VNN2: variants seen among roughly 807,000 people sequenced by gnomAD.
VNN2 encodes vanin 2.
Under a neutral mutation model 43.0 loss-of-function variants are expected in VNN2, and 43 were observed. The ratio of observed to expected loss-of-function variants is 1.00; its 90% CI spans 0.78 to 1.29. The LOEUF (loss-of-function observed/expected upper bound fraction) is 1.29, where lower values mean the gene tolerates loss of function less well. Ranked by LOEUF, VNN2 falls within the 50% of genes most tolerant of loss-of-function variation. The probability of loss-of-function intolerance (pLI) is 0.00; values close to 1 mark genes in which losing one functional copy is unlikely to be tolerated. For synonymous variants in VNN2, 230 were observed against 224.3 expected (o/e 1.03, Z -0.23); for missense variants, 652 against 619.7 (o/e 1.05, Z -0.55).
At chr6:132,762,143 A>T (rs972343067), upstream of VNN2, among the ~76,000 whole-genome samples, 1 of 152,172 alleles carries the variant, frequency 6.6e-6, no homozygotes, top group African/African-American at 2.4e-5. Flanking sequence ...TTCGTGCTAA[A>T]CCCAGCGTGG....
At chr6:132,759,480 C>T (rs35864450), upstream of VNN2, among the ~76,000 whole-genome samples, 1 of 143,914 alleles carries the variant, frequency 6.9e-6, no homozygotes, top group Non-Finnish European at 1.5e-5. Flanking sequence ...ACAACAAATA[C>T]AGGATGTGAT....
Position 132,744,048 on chromosome 6 carries a change from T to A in VNN2, c.*252A>T. 1 of 298,516 alleles carries A rather than the reference T, an allele frequency of 3.3e-6. No homozygotes were observed. Among genetic ancestry groups the A allele is most frequent in the Non-Finnish European group, 6.1e-6 (1 of 164,082 alleles). The allele number at this position is 298,516 out of a possible 1,614,324, so 18.5% of individuals were successfully genotyped here. ...AAGCAAATGAGGCTGGAGCTGGAGT[T>A]TGATCTTCATTTATCTGACCCAAAC... On this transcript the variant is annotated 3_prime_UTR_variant, in exon 7 of 7. Transcript: ENST00000326499.
chr6:132,755,764 G>C (rs926904564), intron 3 of VNN2, 79 bp downstream of exon 3: 2 of 1,371,642 alleles, frequency 1.5e-6, no homozygotes, highest in Admixed American at 2.4e-5. Context: ...ATCATATAGG[G>C]AATGAAATTC....
chr6:132,757,984 T>A, upstream of VNN2: 2 of 723,488 alleles, frequency 2.8e-6, no homozygotes, highest in Non-Finnish European at 4.1e-6. Context: ...TACTGGCCTT[T>A]TACTTTATCA....
chr6:132,757,936 C>T, upstream of VNN2: 1 of 1,483,886 alleles, frequency 6.7e-7, no homozygotes, highest in Non-Finnish European at 9.2e-7. Flanking sequence ...GTAGTATTTA[C>T]AGAGGGGAGA....
chr6:132,749,754 C>G lies in VNN2; in HGVS notation c.1312G>C (p.Glu438Gln), dbSNP rs775264082. 9.3e-6 allele frequency: 15 copies of G among 1,613,936 alleles called. No homozygotes were observed. The highest frequency in any genetic ancestry group is 5.3e-5 in the African/African-American group (4 of 74,920). The change falls in exon 6 of 7, where the codon GAG becomes CAG. Residue 438 changes from glutamate to glutamine, a missense_variant. Glu to Gln is a conservative substitution (Grantham distance 29). Transcript: ENST00000326499. ...MFSLSGTFGT[E>Q]YVFPEVLLTE... ...AGTAGCACTTCAGGAAAAACATACTCTGTTCCAAATGTGCCACTGAGGGAG... is the reference window on the plus strand; with the variant it reads ...AGTAGCACTTCAGGAAAAACATACTGTGTTCCAAATGTGCCACTGAGGGAG...
upstream of VNN2, chr6:132,760,703 G>A (rs1780718779): frequency 6.6e-6 from 1 of 152,002 alleles, no homozygotes; most frequent in African/African-American, 2.4e-5. Flanking sequence ...CAGGTAAGCT[G>A]ATGAGGAGGA....
At chr6:132,752,959 T>C in intron 3 of VNN2, 1 of 503,338 alleles carries the variant, frequency 2.0e-6, no homozygotes, top group South Asian at 3.1e-5. Context: ...ATCTCCTCTC[T>C]CTCCCTTCTC....
chr6:132,755,292 C>CTTTT (rs35767700), intron 3 of VNN2, among the ~76,000 whole-genome samples: 18 of 141,388 alleles, frequency 1.3e-4, no homozygotes, highest in Non-Finnish European at 2.3e-4. Context: ...CATCATGCTA[C>CTTTT]TTTTTTTTTT....
At chr6:132,759,146 A>G (rs1428409370), upstream of VNN2, among the ~76,000 whole-genome samples, 3 of 152,170 alleles carry the variant, frequency 2.0e-5, no homozygotes, top group Admixed American at 2.0e-4. Context: ...TTTAAAAACA[A>G]TGCTAACAGG....
upstream of VNN2, among the ~76,000 whole-genome samples, chr6:132,762,373 C>T (rs1383143663): frequency 2.0e-5 from 3 of 152,038 alleles, no homozygotes; most frequent in African/African-American, 7.2e-5. Context: ...GGTGACACGT[C>T]AAAATAAGAA....
intron 6 of VNN2, among the ~76,000 whole-genome samples, chr6:132,749,272 G>A (rs980945549): frequency 1.3e-5 from 2 of 152,176 alleles, no homozygotes; most frequent in Non-Finnish European, 2.9e-5. Context: ...TGCAAACACG[G>A]TGCAAGCAGA....
rs1562247151 is a variant in VNN2 at position 132,752,564 on chromosome 6, A to G, written c.723T>C (p.Val241=). 6.2e-7 allele frequency: 1 copy of G among 1,614,202 alleles called. No homozygotes were observed. Among genetic ancestry groups the G allele is most frequent in the Admixed American group, 1.7e-5 (1 of 60,020 alleles). Residue 241 remains valine, a synonymous_variant, in exon 4 of 7, where the codon GTT becomes GTC. Transcript: ENST00000326499. ...ATTCAATAGCTGTCAAAAGGGGCAA[A>G]ACGTTCATCCAAGCTGTGGGAAACA... The part of the protein sequence containing the change: ...TILFPTAWMN[V]LPLLTAIEFH...
chr6:132,761,127 T>A (rs1780728479), upstream of VNN2, among the ~76,000 whole-genome samples: 1 of 152,192 alleles, frequency 6.6e-6, no homozygotes, highest in Non-Finnish European at 1.5e-5. Context: ...ACATACAGTT[T>A]CAATAGTTGA....
At chr6:132,750,229 CCT>C (rs1779975366) in intron 5 of VNN2, among the ~76,000 whole-genome samples, 1 of 152,070 alleles carries the variant, frequency 6.6e-6, no homozygotes, top group African/African-American at 2.4e-5. Flanking sequence ...TTTAATCTCA[CCT>C]CTCTTCCCAA....
intron 5 of VNN2, 47 bp downstream of exon 5, chr6:132,751,098 G>A: frequency 6.5e-7 from 1 of 1,530,122 alleles, no homozygotes; most frequent in Non-Finnish European, 8.7e-7. Context: ...AAGTTAACCT[G>A]GAATTTACCT....
chr6:132,755,738 C>A, intron 3 of VNN2, 105 bp downstream of exon 3: 6 of 1,195,038 alleles, frequency 5.0e-6, no homozygotes, highest in Non-Finnish European at 6.8e-6. Context: ...ACAAAAAAAC[C>A]CTCTAGTAAT....
intron 3 of VNN2, among the ~76,000 whole-genome samples, chr6:132,754,511 C>A (rs1290873646): frequency 1.3e-5 from 2 of 152,118 alleles, no homozygotes; most frequent in Non-Finnish European, 2.9e-5. Flanking sequence ...TATATTTTAA[C>A]TGAGACTGCC....
At chr6:132,759,468 T>C (rs998436841), upstream of VNN2, among the ~76,000 whole-genome samples, 68 of 126,062 alleles carry the variant, frequency 5.4e-4, no homozygotes, top group Non-Finnish European at 9.9e-4. Flanking sequence ...AAAACAATAA[T>C]AACAACAAAT....
Sources: gnomAD v4.1 joint callset for allele counts (sites outside exome capture counted in the v4.1 genomes callset) on GRCh38, gnomAD v4.1.1 for gene constraint, MANE v1.5 for transcripts, NCBI Gene and HGNC (gene_info 2026-07-23, HGNC 2026-07-21) for gene names.